The following MEMO1 variants were observed in gnomAD, a reference collection of about 807,000 sequenced individuals.
The protein encoded by MEMO1 is mediator of cell motility 1, also known as protein MEMO1.
In MEMO1, 6 loss-of-function variants were observed where a neutral mutation model predicts 45.2. The observed-to-expected ratio is 0.13, with a 90% CI of 0.07 to 0.26. MEMO1 has a LOEUF of 0.26. Ranked by LOEUF, MEMO1 falls within the 10% of genes least tolerant of loss-of-function variation. The pLI, the probability that MEMO1 is intolerant of heterozygous loss-of-function variation, is 1.00. For synonymous variants in MEMO1, 78 were observed against 124.3 expected (o/e 0.63, Z 2.48); for missense variants, 184 against 370.5 (o/e 0.50, Z 4.13).
rs1249863529 is a variant in MEMO1, at chr2:31,967,814, G to GT, written c.62-24432dup. ...AATGTGTGTTTGTGTTTAGTGGGAG[G>GT]TTTTTTCCCCACTAAACACAGACAT... On this transcript the variant is annotated intron_variant, in intron 2 of 9. Transcript: ENST00000404530. Among the ~76,000 whole-genome samples, 6 of 152,156 alleles carry GT rather than the reference G, an allele frequency of 3.9e-5. No individual in the cohort carries two copies. In the South Asian group the frequency reaches 8.3e-4, roughly 21 times the overall value.
At chr2:31,973,272 G>C (rs1398952692) in intron 2 of MEMO1, among the ~76,000 whole-genome samples, 9 of 152,062 alleles carry the variant, frequency 5.9e-5, no homozygotes, top group African/African-American at 2.2e-4. Context: ...TGGCCAACAT[G>C]GTGAAACCCC....
rs1443812507 is a variant in MEMO1, at chr2:32,010,392, G to A, written c.-17-128C>T. On this transcript the variant is annotated intron_variant, in intron 1 of 9. Coordinates refer to ENST00000404530, the MANE Select transcript of MEMO1 (RefSeq NM_001301833.4). ...CGGGGAGGGGATCAGCCCGGCCCAG[G>A]AGGAGGAGGAAGAGGAGGAGGCGGC... is the stretch of plus-strand genomic sequence containing the variant. 12 of 398,178 alleles carry A rather than the reference G, an allele frequency of 3.0e-5. No individual in the cohort carries two copies. The Admixed American group carries it at 3.6e-4, about 12-fold the overall frequency. The allele number at this position is 398,178 out of a possible 1,614,324, so 24.7% of individuals were successfully genotyped here.
intron 4 of MEMO1, among the ~76,000 whole-genome samples, chr2:31,921,429 G>C (rs1682296878): frequency 6.6e-6 from 1 of 152,020 alleles, no homozygotes; most frequent in Non-Finnish European, 1.5e-5. Context: ...GTCTTTGTTG[G>C]ATGGCCTTTA....
At chr2:31,938,786 ATTT>A (rs398042391) in intron 3 of MEMO1, among the ~76,000 whole-genome samples, 200 of 138,772 alleles carry the variant, frequency 1.4e-3, no homozygotes, top group African/African-American at 4.0e-3. Flanking sequence ...ATAGAACAAT[ATTT>A]TTTTTTTTTT....
intron 5 of MEMO1, among the ~76,000 whole-genome samples, chr2:31,920,327 T>A (rs184800614): frequency 1.4e-3 from 216 of 152,296 alleles, no homozygotes; most frequent in African/African-American, 5.1e-3. Context: ...TATTTATCAT[T>A]TATATAGCAC....
chr2:31,941,135 T>C (rs573080673), intron 3 of MEMO1, among the ~76,000 whole-genome samples: 1 of 152,192 alleles, frequency 6.6e-6, no homozygotes. Flanking sequence ...AAAGTCCTTA[T>C]GACTACAAAG....
In MEMO1 at chr2:31,874,126, T is replaced by C. The variant is rs558467114; in HGVS notation, c.658-4174A>G. On this transcript the variant is annotated intron_variant, in intron 8 of 9. Transcript: ENST00000404530. ...ATACAATGACATTTTCAGATTATCC[T>C]TGCCGAATCATAATTTGCCAATGTC... Among the ~76,000 whole-genome samples, 8 of 152,252 alleles carry C rather than the reference T, an allele frequency of 5.3e-5. No individual in the cohort carries two copies. In the South Asian group the frequency reaches 1.7e-3, roughly 32 times the overall value.
intron 2 of MEMO1, among the ~76,000 whole-genome samples, chr2:31,955,303 T>C (rs1280160300): frequency 6.6e-6 from 1 of 152,120 alleles, no homozygotes; most frequent in East Asian, 1.9e-4. Flanking sequence ...TCCTGGAAGG[T>C]TTATACCTGA....
chr2:31,875,614 A>C (rs1674441104), intron 8 of MEMO1, among the ~76,000 whole-genome samples: 1 of 152,102 alleles, frequency 6.6e-6, no homozygotes, highest in Non-Finnish European at 1.5e-5. Context: ...TACCTCCACC[A>C]ACATCACCAC....
chr2:31,991,411 A>C (rs2148547204), intron 2 of MEMO1, among the ~76,000 whole-genome samples: 1 of 152,248 alleles, frequency 6.6e-6, no homozygotes, highest in African/African-American at 2.4e-5. Context: ...GTCTCTACTA[A>C]AAATACAAAA....
At chr2:31,969,228 G>GACTT (rs1668986502) in intron 2 of MEMO1, among the ~76,000 whole-genome samples, 1 of 151,320 alleles carries the variant, frequency 6.6e-6, no homozygotes, top group Non-Finnish European at 1.5e-5. Context: ...TCTCATGTTA[G>GACTT]ACTTACTGGT....
intron 8 of MEMO1, among the ~76,000 whole-genome samples, chr2:31,874,907 C>T (rs1674341044): frequency 7.1e-6 from 1 of 141,672 alleles, no homozygotes; most frequent in African/African-American, 2.6e-5. Flanking sequence ...GTCTGCCTAA[C>T]AGCAAGTGTA....
chr2:31,870,874 G>A (rs542956575), intron 8 of MEMO1, among the ~76,000 whole-genome samples: 10 of 152,030 alleles, frequency 6.6e-5, no homozygotes, highest in South Asian at 4.2e-4. Flanking sequence ...CACTGCACCC[G>A]GCCTACAACA....
chr2:31,902,136 A>T (rs1244445051), intron 6 of MEMO1, among the ~76,000 whole-genome samples: 1 of 151,400 alleles, frequency 6.6e-6, no homozygotes, highest in Non-Finnish European at 1.5e-5. Context: ...ATTTTTTTAG[A>T]CCAGGTGTGC....
chr2:32,006,290 C>T (rs1266053577), intron 2 of MEMO1, among the ~76,000 whole-genome samples: 1 of 152,106 alleles, frequency 6.6e-6, no homozygotes, highest in Non-Finnish European at 1.5e-5. Flanking sequence ...AAGTCCAATT[C>T]GGAGACAGTT....
At chr2:31,998,775 A>T (rs1672911760) in intron 2 of MEMO1, among the ~76,000 whole-genome samples, 1 of 151,822 alleles carries the variant, frequency 6.6e-6, no homozygotes, top group Admixed American at 6.6e-5. Context: ...ACTCCAGCCC[A>T]GGAGACAATG....
chr2:31,989,634 G>C (rs1262490892), intron 2 of MEMO1, among the ~76,000 whole-genome samples: 2 of 152,176 alleles, frequency 1.3e-5, no homozygotes, highest in Non-Finnish European at 2.9e-5. Flanking sequence ...ATTCTACACT[G>C]CAATTAATCT....
intron 3 of MEMO1, among the ~76,000 whole-genome samples, chr2:31,935,305 G>C (rs1445937064): frequency 2.0e-5 from 3 of 152,116 alleles, no homozygotes; most frequent in African/African-American, 7.2e-5. Flanking sequence ...AAAGCAATAA[G>C]CCTGAAAACG....
intron 8 of MEMO1, among the ~76,000 whole-genome samples, chr2:31,873,829 T>C (rs1674147271): frequency 6.6e-6 from 1 of 152,058 alleles, no homozygotes; most frequent in Non-Finnish European, 1.5e-5. Flanking sequence ...CTTTAAGAGG[T>C]ATCAAGATAA....
Sources: allele counts gnomAD v4.1 joint callset (sites outside exome capture counted in the v4.1 genomes callset), GRCh38; gene constraint gnomAD v4.1.1; transcripts MANE v1.5; gene names NCBI Gene and HGNC (gene_info 2026-07-23, HGNC 2026-07-21).